The following TRPM6 variants were observed in gnomAD, a reference collection of about 807,000 sequenced individuals.
TRPM6 encodes channel kinase 2.
Under a neutral mutation model 247.6 loss-of-function variants are expected in TRPM6, and 111 were observed. The ratio of observed to expected loss-of-function variants is 0.45; its 90% CI spans 0.38 to 0.52. TRPM6 has a LOEUF of 0.52. TRPM6 is among the 20% of genes least tolerant of loss of function. TRPM6 has a pLI of 0.00. For missense variants in TRPM6, 2,126 were observed against 2,421.5 expected (o/e 0.88, Z 2.56); for synonymous variants, 892 against 853.8 (o/e 1.04, Z -0.78).
intron 36 of TRPM6, among the ~76,000 whole-genome samples, chr9:74,733,599 T>C (rs1825597043): frequency 6.6e-6 from 1 of 152,242 alleles, no homozygotes; most frequent in African/African-American, 2.4e-5. Flanking sequence ...TACACTGATG[T>C]TCAAACCAAT....
chr9:74,765,391 C>A (rs1023516602), intron 25 of TRPM6, among the ~76,000 whole-genome samples: 1 of 148,158 alleles, frequency 6.7e-6, no homozygotes, highest in Admixed American at 6.7e-5. Flanking sequence ...ATCATTTTAA[C>A]TGGAAATATG....
At position 74,842,352 on chromosome 9, in the gene TRPM6, C is replaced by T; in HGVS notation, c.153-9G>A. 1 of 1,613,728 alleles carries T rather than the reference C, an allele frequency of 6.2e-7. No homozygotes were observed. The highest frequency in any genetic ancestry group is 8.5e-7 in the Non-Finnish European group (1 of 1,179,904). ...GTCGGCCACAGTAACACCTTAAATT[C>T]AAGACCAAAAAAAAACTCAACTTCA... On this transcript the variant is annotated splice_polypyrimidine_tract_variant and intron_variant, in intron 3 of 38. Coordinates refer to ENST00000360774, the MANE Select transcript of TRPM6 (RefSeq NM_017662.5).
intron 21 of TRPM6, among the ~76,000 whole-genome samples, chr9:74,784,264 GAA>G (rs561088762): frequency 2.4e-5 from 2 of 81,772 alleles, no homozygotes; most frequent in Non-Finnish European, 2.7e-5. Flanking sequence ...CTCCATCTCA[GAA>G]AAAAAAAAAA....
At chr9:74,839,302 C>T (rs1283103926) in intron 5 of TRPM6, among the ~76,000 whole-genome samples, 1 of 152,048 alleles carries the variant, frequency 6.6e-6, no homozygotes, top group African/African-American at 2.4e-5. Flanking sequence ...TCCTTATGTG[C>T]AGACAGTTCA....
At chr9:74,816,179 G>A (rs948791951) in intron 11 of TRPM6, among the ~76,000 whole-genome samples, 2 of 152,026 alleles carry the variant, frequency 1.3e-5, no homozygotes, top group African/African-American at 2.4e-5. Context: ...ATAACAAGTC[G>A]TTGTCTCAAA....
chr9:74,803,804 T>C lies in TRPM6; in HGVS notation c.1721A>G (p.Tyr574Cys), dbSNP rs1436795360. The change falls in exon 15 of 39, where the codon TAC becomes TGC. Residue 574 changes from tyrosine (Y) to cysteine (C), a missense_variant. Coordinates refer to ENST00000360774, the MANE Select transcript of TRPM6 (RefSeq NM_017662.5). ...ACAAGTAAATGGTACCTTGAATTTG[T>C]ATGGCTGTGCAGTTCTAATGAACTG... is the stretch of plus-strand genomic sequence containing the variant. Reference protein sequence around the residue: ...HSQFIRTAQPYKFKEKSIVLH... With the variant: ...HSQFIRTAQPCKFKEKSIVLH... The C allele has an allele frequency of 1.9e-6, 3 of 1,610,174 alleles. No individual in the cohort carries two copies. The highest frequency in any genetic ancestry group is 2.2e-5 in the East Asian group (1 of 44,878).
chr9:74,859,527 C>A (rs1349063413), intron 1 of TRPM6, among the ~76,000 whole-genome samples: 2 of 152,164 alleles, frequency 1.3e-5, no homozygotes, highest in African/African-American at 4.8e-5. Context: ...AATCCCAACA[C>A]TTTGGGAGGC....
intron 32 of TRPM6, among the ~76,000 whole-genome samples, chr9:74,743,785 T>G (rs1825939046): frequency 6.6e-6 from 1 of 152,224 alleles, no homozygotes; most frequent in African/African-American, 2.4e-5. Flanking sequence ...AACATTGAGA[T>G]CTCTGGCTTG....
chr9:74,727,709 G>A (rs1249682943), intron 38 of TRPM6, among the ~76,000 whole-genome samples: 2 of 152,118 alleles, frequency 1.3e-5, no homozygotes, highest in East Asian at 1.9e-4. Context: ...GAATTTTTAA[G>A]TATGTCATAT....
intron 16 of TRPM6, among the ~76,000 whole-genome samples, chr9:74,801,391 T>C (rs1165384965): frequency 2.6e-5 from 4 of 151,934 alleles, no homozygotes; most frequent in Non-Finnish European, 5.9e-5. Flanking sequence ...TTAGTTTCCA[T>C]TGATTCTAGC....
rs1047086489 is a variant in TRPM6, at chr9:74,796,779, C to A, written c.2353G>T (p.Asp785Tyr). 1.2e-6 allele frequency: 2 copies of A among 1,613,880 alleles called. No homozygotes were observed. The highest frequency in any genetic ancestry group is 1.7e-6 in the Non-Finnish European group (2 of 1,179,930). ...QDFQFMWYYS[D>Y]QNASSSKESA... Reference sequence around the variant, plus strand: ...TCTTTGGAACTGCTGGCGTTCTGGTCACTGTAATACCACATAAATTGGAAG... The same window carrying A: ...TCTTTGGAACTGCTGGCGTTCTGGTAACTGTAATACCACATAAATTGGAAG... Residue 785 changes from aspartate to tyrosine, a missense_variant, in exon 18 of 39, where the codon GAC becomes TAC. Around this residue, in one of 3 missense-constraint regions of TRPM6, gnomAD observed 1,082 missense variants for 1,307.9 expected, o/e 0.83. Transcript: ENST00000360774.
At chr9:74,834,728 G>A (rs573803832) in intron 5 of TRPM6, among the ~76,000 whole-genome samples, 127 of 151,476 alleles carry the variant, frequency 8.4e-4, no homozygotes, top group Middle Eastern at 6.8e-3. Flanking sequence ...CTGTCCTTGC[G>A]ATAGTTTGCT....
At chr9:74,798,428 G>C (rs17060511) in intron 17 of TRPM6, among the ~76,000 whole-genome samples, 2,974 of 152,154 alleles carry the variant, frequency 0.02, 91 homozygotes, top group African/African-American at 0.066. Context: ...TTCTAGGTCT[G>C]GAAAAATCGC....
chr9:74,775,220 G>T (rs1827178544), intron 24 of TRPM6, among the ~76,000 whole-genome samples: 1 of 152,170 alleles, frequency 6.6e-6, no homozygotes, highest in Non-Finnish European at 1.5e-5. Flanking sequence ...GACTCACAGT[G>T]TTGCCCAGGC....
intron 37 of TRPM6, among the ~76,000 whole-genome samples, chr9:74,731,949 G>A (rs1301343732): frequency 6.6e-6 from 1 of 152,098 alleles, no homozygotes; most frequent in African/African-American, 2.4e-5. Context: ...CCTGGTGATT[G>A]TGATGTAAGC....
chr9:74,747,474 A>G (rs1376291839), intron 31 of TRPM6, among the ~76,000 whole-genome samples: 1 of 152,210 alleles, frequency 6.6e-6, no homozygotes, highest in Non-Finnish European at 1.5e-5. Context: ...GCTGTCTCAC[A>G]TGACCTAATC....
intron 33 of TRPM6, among the ~76,000 whole-genome samples, chr9:74,740,748 G>A (rs537906876): frequency 6.6e-6 from 1 of 152,238 alleles, no homozygotes; most frequent in South Asian, 2.1e-4. Context: ...AGCCTTTGGA[G>A]CATTTTGGAT....
chr9:74,839,121 A>G (rs1160143310), intron 5 of TRPM6, among the ~76,000 whole-genome samples: 1 of 151,794 alleles, frequency 6.6e-6, no homozygotes. Context: ...AAAAAAAAAA[A>G]AAAAAAGAAA....
chr9:74,814,554 C>T (rs941827520), intron 11 of TRPM6, among the ~76,000 whole-genome samples: 2 of 152,058 alleles, frequency 1.3e-5, no homozygotes, highest in East Asian at 3.9e-4. Flanking sequence ...ATATCCCAGA[C>T]ACCCCATAAA....
Sources: allele counts gnomAD v4.1 joint callset (sites outside exome capture counted in the v4.1 genomes callset), GRCh38; gene constraint gnomAD v4.1.1; regional missense constraint gnomAD v4.1.1; transcripts MANE v1.5; gene names NCBI Gene and HGNC (gene_info 2026-07-23, HGNC 2026-07-21).